Variants in PACRG observed in about 807,000 individuals in gnomAD.
PACRG encodes the protein parkin coregulated gene protein.
In PACRG, 29 loss-of-function variants were observed where a neutral mutation model predicts 29.7. That is an observed-to-expected ratio of 0.98 (90% CI 0.73 to 1.33). The LOEUF is 1.33. Among genes scored for constraint, PACRG ranks in the 40% most tolerant of loss-of-function variants. The pLI is 0.00. For synonymous variants in PACRG, 116 were observed against 118.7 expected (o/e 0.98, Z 0.15); for missense variants, 279 against 316.2 (o/e 0.88, Z 0.89).
At chr6:163,297,734 TAA>T (rs141190559) in intron 4 of PACRG, among the ~76,000 whole-genome samples, 526 of 152,276 alleles carry the variant, frequency 3.5e-3, no homozygotes, top group African/African-American at 0.012. Flanking sequence ...TAATCCAACT[TAA>T]GACACTTTGT....
chr6:162,926,005 C>T (rs1403532854), intron 2 of PACRG, among the ~76,000 whole-genome samples: 1 of 151,858 alleles, frequency 6.6e-6, no homozygotes, highest in Non-Finnish European at 1.5e-5. Flanking sequence ...TTCTATACAC[C>T]AACAGTAGAC....
intron 2 of PACRG, among the ~76,000 whole-genome samples, chr6:163,037,571 T>G (rs1415099772): frequency 2.6e-5 from 4 of 152,242 alleles, no homozygotes; most frequent in Non-Finnish European, 5.9e-5. Context: ...TTCCCTGGCT[T>G]TGAGCTGGTC....
At chr6:162,939,094 C>T (rs777603761) in intron 2 of PACRG, among the ~76,000 whole-genome samples, 7 of 152,016 alleles carry the variant, frequency 4.6e-5, no homozygotes, top group Non-Finnish European at 1.5e-5. Flanking sequence ...ATAGAGAACC[C>T]AGAAATAAAT....
At chr6:162,841,367 T>C (rs1214472546) in intron 2 of PACRG, among the ~76,000 whole-genome samples, 1 of 152,120 alleles carries the variant, frequency 6.6e-6, no homozygotes, top group Non-Finnish European at 1.5e-5. Context: ...TTCTAGATTA[T>C]CTAGTTTATT....
At chr6:163,154,648 C>G (rs950520980) in intron 4 of PACRG, among the ~76,000 whole-genome samples, 1 of 152,156 alleles carries the variant, frequency 6.6e-6, no homozygotes, top group African/African-American at 2.4e-5. Context: ...ACAGGATACC[C>G]AGTTAATTTG....
rs546572272 is a variant in PACRG at position 163,290,259 on chromosome 6, C to T, written c.614-24568C>T. Among the ~76,000 whole-genome samples the T allele has an allele frequency of 5.2e-4, 76 of 147,256 alleles. 5 individuals carry two copies. In the South Asian group the frequency reaches 0.015, roughly 29 times the overall value. On this transcript the variant is annotated intron_variant, in intron 4 of 4. Coordinates refer to ENST00000366888, the MANE Select transcript of PACRG (RefSeq NM_001080379.2). ...CACTTAATTATCATACGCACATGTG[C>T]GCATGCACGCGCGCGCGCGCACACA... is the stretch of plus-strand genomic sequence containing the variant.
At chr6:163,148,876 C>T (rs1422274244) in intron 4 of PACRG, among the ~76,000 whole-genome samples, 1 of 149,620 alleles carries the variant, frequency 6.7e-6, no homozygotes, top group Non-Finnish European at 1.5e-5. Context: ...GGTACCAACC[C>T]ATAACTGGCT....
intron 2 of PACRG, among the ~76,000 whole-genome samples, chr6:163,047,146 A>G (rs935425631): frequency 2.0e-5 from 3 of 152,200 alleles, no homozygotes; most frequent in Admixed American, 6.5e-5. Context: ...AGCCACAAAT[A>G]ATCTGTTTCT....
chr6:163,195,930 C>T (rs563097648), intron 4 of PACRG, among the ~76,000 whole-genome samples: 119 of 152,296 alleles, frequency 7.8e-4, no homozygotes, highest in African/African-American at 2.8e-3. Context: ...CCCTGATTCT[C>T]GCCTCCATTC....
intron 4 of PACRG, chr6:163,100,640 C>A (rs1815026616): frequency 2.4e-6 from 1 of 424,188 alleles, no homozygotes; most frequent in Non-Finnish European, 3.2e-6. Context: ...GTGTCAGCTC[C>A]CTGCCACACC....
intron 4 of PACRG, among the ~76,000 whole-genome samples, chr6:163,140,505 A>G (rs1205654): frequency 0.31 from 47,625 of 152,146 alleles, 7,893 homozygotes; most frequent in East Asian, 0.55. Context: ...GCTGGACTGG[A>G]GGCTCTAGGA....
At chr6:163,218,907 C>T (rs939548847) in intron 4 of PACRG, among the ~76,000 whole-genome samples, 24 of 152,224 alleles carry the variant, frequency 1.6e-4, no homozygotes, top group African/African-American at 5.5e-4. Context: ...GGGGAGATGC[C>T]GCAGGCATTC....
At chr6:162,911,114 T>G (rs1402840654) in intron 2 of PACRG, among the ~76,000 whole-genome samples, 1 of 152,260 alleles carries the variant, frequency 6.6e-6, no homozygotes, top group Admixed American at 6.5e-5. Flanking sequence ...GATATCAATT[T>G]GTTTTCATTA....
intron 4 of PACRG, among the ~76,000 whole-genome samples, chr6:163,278,559 C>T (rs1367196012): frequency 6.6e-6 from 1 of 152,128 alleles, no homozygotes; most frequent in African/African-American, 2.4e-5. Flanking sequence ...TGTGGCTTGC[C>T]AATTATCTCA....
At chr6:162,783,168 A>G (rs1784217788) in intron 1 of PACRG, among the ~76,000 whole-genome samples, 1 of 151,942 alleles carries the variant, frequency 6.6e-6, no homozygotes, top group Non-Finnish European at 1.5e-5. Flanking sequence ...GGTAAAAGGA[A>G]GGAATGTGTA....
At chr6:162,879,635 T>C (rs1345878920) in intron 2 of PACRG, among the ~76,000 whole-genome samples, 1 of 152,246 alleles carries the variant, frequency 6.6e-6, no homozygotes, top group Non-Finnish European at 1.5e-5. Flanking sequence ...AATAGGAGGC[T>C]TCATTCATTA....
chr6:163,153,478 T>C (rs867880823), intron 4 of PACRG, among the ~76,000 whole-genome samples: 2 of 152,392 alleles, frequency 1.3e-5, no homozygotes, highest in South Asian at 4.1e-4. Flanking sequence ...TATTAGGTAA[T>C]ATATTTGAAA....
intron 4 of PACRG, among the ~76,000 whole-genome samples, chr6:163,172,739 A>G (rs963773059): frequency 1.3e-5 from 2 of 152,222 alleles, no homozygotes; most frequent in Admixed American, 1.3e-4. Context: ...ATTGGCCTCA[A>G]TTACGAATCT....
chr6:162,893,726 C>T (rs1008796447), intron 2 of PACRG, among the ~76,000 whole-genome samples: 5 of 152,158 alleles, frequency 3.3e-5, no homozygotes, highest in Non-Finnish European at 5.9e-5. Context: ...CTATGCAGAT[C>T]GAAAACAGAG....
Sources: allele counts gnomAD v4.1 joint callset (sites outside exome capture counted in the v4.1 genomes callset), GRCh38; gene constraint gnomAD v4.1.1; transcripts MANE v1.5; gene names NCBI Gene and HGNC (gene_info 2026-07-23, HGNC 2026-07-21).